NOTCH4: variants seen among roughly 807,000 people sequenced by gnomAD.
NOTCH4 encodes neurogenic locus notch homolog protein 4.
NOTCH4 carries 138 observed loss-of-function variants against 189.0 expected under a neutral mutation model. That is an observed-to-expected ratio of 0.73 (90% CI 0.64 to 0.84). NOTCH4 has a LOEUF of 0.84. NOTCH4 is among the 40% of genes least tolerant of loss of function. The probability of loss-of-function intolerance (pLI) is 0.00; values close to 1 mark genes in which losing one functional copy is unlikely to be tolerated. For missense variants in NOTCH4, 2,286 were observed against 2,605.4 expected (o/e 0.88, Z 2.67); for synonymous variants, 942 against 1,032.8 (o/e 0.91, Z 1.69).
rs1789090554 is a variant in NOTCH4 at position 32,212,562 on chromosome 6, G to A, written c.2592C>T (p.Pro864=). The part of the protein sequence containing the change: ...PRNSHCLQTG[P]SFHCLCLQGW... Reference sequence around the variant, plus strand: ...CCTGGAGGCACAAGCAGTGGAAGGAGGGCCCAGTCTGGAGGCAGTGGGAAT... The same window carrying A: ...CCTGGAGGCACAAGCAGTGGAAGGAAGGCCCAGTCTGGAGGCAGTGGGAAT... The change falls in exon 17 of 30, where the codon CCC becomes CCT. Residue 864 remains proline (P), a synonymous_variant. Transcript: ENST00000375023. This position sits in a 1 kb window ranked among gnomAD's most constrained non-coding sequence, Gnocchi z 4.4. 4 of 1,613,246 alleles carry A rather than the reference G, an allele frequency of 2.5e-6. No individual in the cohort carries two copies. The highest frequency in any genetic ancestry group is 2.5e-6 in the Non-Finnish European group (3 of 1,179,994).
At chr6:32,203,983 A>C in intron 19 of NOTCH4, 101 bp from the exon 20 acceptor site, 1 of 942,940 alleles carries the variant, frequency 1.1e-6, no homozygotes, top group Non-Finnish European at 1.6e-6. Context: ...GTGCAGGTGA[A>C]GGGATCCTGG....
At position 32,197,503 on chromosome 6, in the gene NOTCH4, C is replaced by G. The variant is rs1205770396; in HGVS notation, c.4848G>C (p.Trp1616Cys). The change falls in exon 27 of 30, where the codon TGG (tryptophan) becomes TGC (cysteine). Residue 1616 changes from tryptophan (W) to cysteine (C), a missense_variant. Around this residue, in one of 2 missense-constraint regions of NOTCH4, gnomAD observed 1,903 missense variants for 2,261.9 expected, o/e 0.84. Transcript: ENST00000375023. ...QGAWLGCPEPWEPLLDGGACP... is the reference protein window; with the variant it reads ...QGAWLGCPEPCEPLLDGGACP... ...AGGCCCCTCCATCCAGCAGAGGTTC[C>G]CAGGGCTCAGGACATCCCAACCATG... is the stretch of plus-strand genomic sequence containing the variant. The G allele has an allele frequency of 6.2e-7, 1 of 1,608,006 alleles. No individual in the cohort carries two copies. The highest frequency in any genetic ancestry group is 2.2e-5 in the East Asian group (1 of 44,826).
chr6:32,198,652 G>T lies in NOTCH4; in HGVS notation c.4614C>A (p.Gly1538=), dbSNP rs1460937465. 6.2e-7 allele frequency: 1 copy of T among 1,611,892 alleles called. No homozygotes were observed. The stretch of plus-strand genomic sequence containing the variant: ...ATTCTTGCCCCAGCCCTTTCACCTG[G>T]CCCACCTCCTCTCCCTCCTCAGGGC... ...CSGPEEGEEV[G]QAEETGPPST... is the part of the protein sequence containing the mutation. The change falls in exon 25 of 30, where the codon GGC becomes GGA. Residue 1538 remains glycine (G), a synonymous_variant. Coordinates refer to ENST00000375023, the MANE Select transcript of NOTCH4 (RefSeq NM_004557.4). The surrounding 1 kb of genome is among the most constrained non-coding windows in gnomAD (Gnocchi z 5.5).
At chr6:32,205,753 C>A (rs2127470988) in intron 18 of NOTCH4, among the ~76,000 whole-genome samples, 1 of 151,030 alleles carries the variant, frequency 6.6e-6, no homozygotes, top group South Asian at 2.1e-4. Context: ...TCTGGCCGGG[C>A]ACGGTGGCTC....
chr6:32,201,401 C>T lies in NOTCH4; in HGVS notation c.3855G>A (p.Arg1285=), dbSNP rs551161842. The T allele has an allele frequency of 6.4e-7, 1 of 1,570,472 alleles. No homozygotes were observed. The highest frequency in any genetic ancestry group is 8.6e-7 in the Non-Finnish European group (1 of 1,159,952). ...CCCACTCTGGGTCCCCATCTTCAGGCCTGCAGTCACCTCCATCCCAGCCAC... is the reference window on the plus strand; with the variant it reads ...CCCACTCTGGGTCCCCATCTTCAGGTCTGCAGTCACCTCCATCCCAGCCAC... The part of the protein sequence containing the change: ...AECGWDGGDC[R]PEDGDPEWGP... The change falls in exon 22 of 30, where the codon AGG becomes AGA. Residue 1285 remains arginine (R), a synonymous_variant. Transcript: ENST00000375023. This position sits in a 1 kb window ranked among gnomAD's most constrained non-coding sequence, Gnocchi z 5.5.
rs1370570862 is a variant in NOTCH4 at position 32,210,299 on chromosome 6, G to A, written c.2865+453C>T. 6.6e-6 allele frequency among the ~76,000 whole-genome samples: 1 copy of A among 152,182 alleles called. No individual in the cohort carries two copies. The highest frequency in any genetic ancestry group is 1.5e-5 in the Non-Finnish European group (1 of 68,040). On this transcript the variant is annotated intron_variant, in intron 18 of 29. Transcript: ENST00000375023. This position sits in a 1 kb window ranked among gnomAD's most constrained non-coding sequence, Gnocchi z 4.8. ...AGCAGAGAGTAGAAGGGTGGGATGG[G>A]GAGAGCTGAGGCCTGAGAGGCAGGC...
At chr6:32,197,214 C>T in intron 27 of NOTCH4, 85 bp downstream of exon 27, 1 of 1,515,972 alleles carries the variant, frequency 6.6e-7, no homozygotes, top group East Asian at 2.3e-5. Flanking sequence ...CCAATTTCCT[C>T]CTTGTCAAAC....
chr6:32,204,109 A>G, intron 19 of NOTCH4, 28 bp downstream of exon 19: 7 of 1,609,778 alleles, frequency 4.3e-6, no homozygotes, highest in Non-Finnish European at 5.9e-6. Flanking sequence ...CTCCAGACAC[A>G]CTTGTGCCCC....
At position 32,195,006 on chromosome 6, in the gene NOTCH4, A is replaced by G; in HGVS notation, c.*431T>C. ...GGGTGGCCCTTGGCCACTTTTCAGC[A>G]CCTACACAGTGCCTGGCACATAGTA... is the stretch of plus-strand genomic sequence containing the variant. On this transcript the variant is annotated 3_prime_UTR_variant, in exon 30 of 30. Transcript: ENST00000375023. The surrounding 1 kb of genome is among the most constrained non-coding windows in gnomAD (Gnocchi z 5.4). The G allele has an allele frequency of 4.1e-6, 1 of 245,110 alleles. No individual in the cohort carries two copies. Among genetic ancestry groups the G allele is most frequent in the East Asian group, 5.9e-5 (1 of 16,850 alleles). 15.2% of individuals were successfully genotyped at this position (245,110 alleles called of 1,614,324 possible).
At chr6:32,211,007 T>A (rs1480662103) in intron 17 of NOTCH4, 71 bp from the exon 18 acceptor site, 17 of 1,418,902 alleles carry the variant, frequency 1.2e-5, no homozygotes. Flanking sequence ...ACGCCTGTAA[T>A]CCCAGCACTT....
chr6:32,223,895 GC>G lies in NOTCH4; in HGVS notation c.33del (p.Leu12CysfsTer31). The G allele has an allele frequency of 6.4e-7, 1 of 1,569,336 alleles. No homozygotes were observed. Among genetic ancestry groups the G allele is most frequent in the African/African-American group, 1.3e-5 (1 of 74,210 alleles). MQPPSLLLLL[L>X]LLLLLCVSVV... ...ACTGAGACACATAGCAGCAGCAGCA[GC>G]AGCAGCAGCAGCAGCAGTGAAGGGG... is the stretch of plus-strand genomic sequence containing the variant. On this transcript the variant is annotated frameshift_variant, in exon 1 of 30. Coordinates refer to ENST00000375023, the MANE Select transcript of NOTCH4 (RefSeq NM_004557.4). LOFTEE classifies it high-confidence loss of function.
intron 27 of NOTCH4, 96 bp from the exon 28 acceptor site, chr6:32,197,168 A>G (rs1787999463): frequency 1.3e-6 from 2 of 1,530,292 alleles, no homozygotes; most frequent in South Asian, 2.4e-5. Flanking sequence ...ATATTCAGCC[A>G]TCCTCCGCAG....
rs8192573 is a variant in NOTCH4 at position 32,201,219 on chromosome 6, C to G, written c.4037G>C (p.Arg1346Pro). 19,080 of 1,612,970 alleles carry G rather than the reference C, an allele frequency of 0.012. 316 individuals are homozygous for G. Among genetic ancestry groups the G allele is most frequent in the Admixed American group, 0.037 (2,219 of 60,010 alleles). ...AGTTCCTCCTAGCTTTTCTTCAGCCCGGGCCCCAGGATAGGGGTACACCAT... is the reference window on the plus strand; with the variant it reads ...AGTTCCTCCTAGCTTTTCTTCAGCCGGGGCCCCAGGATAGGGGTACACCAT... The part of the protein sequence containing the change: ...RDMVYPYPGA[R>P]AEEKLGGTRD... Residue 1346 changes from arginine to proline, a missense_variant, in exon 22 of 30, where the codon CGG becomes CCG. By Grantham distance (103) the Arg-to-Pro change is moderately radical (BLOSUM62 -2). This residue lies in a region of NOTCH4 where 1,903 missense variants were observed against 2,261.9 expected (regional missense o/e 0.84). Coordinates refer to ENST00000375023, the MANE Select transcript of NOTCH4 (RefSeq NM_004557.4). This position sits in a 1 kb window ranked among gnomAD's most constrained non-coding sequence, Gnocchi z 5.5.
At position 32,222,987 on chromosome 6, in the gene NOTCH4, C is replaced by A; in HGVS notation, c.155+18G>T. The A allele has an allele frequency of 6.2e-7, 1 of 1,610,332 alleles. No homozygotes were observed. Among genetic ancestry groups the A allele is most frequent in the Non-Finnish European group, 8.5e-7 (1 of 1,176,678 alleles). On this transcript the variant is annotated intron_variant, in intron 2 of 29. Transcript: ENST00000375023. ...CCCCCTTTCTCTCCAGTCTCCCACT[C>A]CTGCAAGGCACACTCACTGGCAGGT... is the stretch of plus-strand genomic sequence containing the variant.
intron 17 of NOTCH4, among the ~76,000 whole-genome samples, chr6:32,211,400 G>A (rs1017561810): frequency 6.7e-6 from 1 of 149,930 alleles, no homozygotes; most frequent in Non-Finnish European, 1.5e-5. Context: ...GACCAGTCTG[G>A]CCAACATAAT....
intron 11 of NOTCH4, 50 bp from the exon 12 acceptor site, chr6:32,215,435 A>G: frequency 6.5e-7 from 1 of 1,531,194 alleles, no homozygotes; most frequent in Non-Finnish European, 8.8e-7. Flanking sequence ...CACATCCTTC[A>G]TTGGGCCAAA....
In NOTCH4 at chr6:32,202,078, G is replaced by A. The variant is rs2127466671; in HGVS notation, c.3753C>T (p.Cys1251=). 7.0e-7 allele frequency: 1 copy of A among 1,437,840 alleles called. No homozygotes were observed. Among genetic ancestry groups the A allele is most frequent in the African/African-American group, 1.4e-5 (1 of 70,692 alleles). 89.1% of individuals were successfully genotyped at this position (1,437,840 alleles called of 1,614,324 possible). The part of the protein sequence containing the change: ...DGYDCETPPA[C]TPAYDQYCHD... ...GCTCCAGTGGATTTCAGGCTCACGT[G>A]CAGGCTGGAGGGGTCTCACAGTCGT... Residue 1251 remains cysteine, a splice_region_variant and synonymous_variant, in exon 21 of 30, where the codon TGC becomes TGT. Coordinates refer to ENST00000375023, the MANE Select transcript of NOTCH4 (RefSeq NM_004557.4). The surrounding 1 kb of genome is among the most constrained non-coding windows in gnomAD (Gnocchi z 5.7).
Position 32,195,897 on chromosome 6 carries a change from G to A in NOTCH4, c.5552C>T (p.Pro1851Leu), listed in dbSNP as rs1302233450. ...CGGCAGAGCCCCGCCCCCATGCGGG[G>A]GCACGCTTACTGACACCGTCCGTGC... is the stretch of plus-strand genomic sequence containing the variant. The part of the protein sequence containing the change: ...PRARTVSVSV[P>L]PHGGGALPRC... The change falls in exon 30 of 30, where the codon CCC becomes CTC. Residue 1851 changes from proline (P) to leucine (L), a missense_variant. Physicochemically the swap from Pro to Leu is moderately conservative, Grantham distance 98. This residue lies in a region of NOTCH4 where 383 missense variants were observed against 343.5 expected (regional missense o/e 1.11). Coordinates refer to ENST00000375023, the MANE Select transcript of NOTCH4 (RefSeq NM_004557.4). This position sits in a 1 kb window ranked among gnomAD's most constrained non-coding sequence, Gnocchi z 5.4. 2 of 1,588,268 alleles carry A rather than the reference G, an allele frequency of 1.3e-6. No homozygotes were observed. The highest frequency in any genetic ancestry group is 2.3e-5 in the East Asian group (1 of 44,440).
At position 32,201,468 on chromosome 6, in the gene NOTCH4, A is replaced by G; in HGVS notation, c.3788T>C (p.Phe1263Ser). 1 of 1,526,600 alleles carries G rather than the reference A, an allele frequency of 6.6e-7. No homozygotes were observed. The highest frequency in any genetic ancestry group is 8.8e-7 in the Non-Finnish European group (1 of 1,138,744). The allele number at this position is 1,526,600 out of a possible 1,614,324, so 94.6% of individuals were successfully genotyped here. A position where few individuals can be genotyped will look rare whatever the true frequency, so the allele number is the denominator to read the frequency against. The change falls in exon 22 of 30, where the codon TTC (phenylalanine) becomes TCC (serine). Residue 1263 changes from phenylalanine to serine, a missense_variant. Phe to Ser is a radical substitution (Grantham distance 155, BLOSUM62 -2). Transcript: ENST00000375023. This position sits in a 1 kb window ranked among gnomAD's most constrained non-coding sequence, Gnocchi z 5.5. ...PAYDQYCHDHFHNGHCEKGCN... is the reference protein window; with the variant it reads ...PAYDQYCHDHSHNGHCEKGCN... ...GCCTTTCTCACAGTGCCCGTTGTGG[A>G]AGTGATCATGGCAGTACTGGTCATA...
Sources: allele counts gnomAD v4.1 joint callset (sites outside exome capture counted in the v4.1 genomes callset), GRCh38; gene constraint gnomAD v4.1.1; regional missense constraint gnomAD v4.1.1; non-coding constraint Gnocchi (gnomAD v3.1); transcripts MANE v1.5; gene names NCBI Gene and HGNC (gene_info 2026-07-23, HGNC 2026-07-21).